Variants in TNRC6B observed in about 807,000 individuals in gnomAD.
TNRC6B encodes the protein trinucleotide repeat-containing gene 6B protein.
A neutral mutation model predicts 203.6 loss-of-function variants in TNRC6B; 52 were observed. The observed-to-expected ratio is 0.26, with a 90% CI of 0.20 to 0.32. The LOEUF is 0.32. Ranked by LOEUF, TNRC6B falls within the 10% of genes least tolerant of loss-of-function variation. TNRC6B has a pLI of 1.00. For synonymous variants in TNRC6B, 838 were observed against 845.7 expected, an observed-to-expected ratio of 0.99 and a Z score of 0.16; for missense variants, 1,923 against 2,286.2, an observed-to-expected ratio of 0.84 and a Z score of 3.24.
At chr22:40,197,526 A>G (rs1465922594) in intron 1 of TNRC6B, among the ~76,000 whole-genome samples, 1 of 151,392 alleles carries the variant, frequency 6.6e-6, no homozygotes, top group African/African-American at 2.4e-5. Flanking sequence ...TGACCTCATG[A>G]TCTACCCCCC....
chr22:40,055,149 G>A (rs1217918678), intron 1 of TNRC6B, among the ~76,000 whole-genome samples: 1 of 152,226 alleles, frequency 6.6e-6, no homozygotes, highest in Non-Finnish European at 1.5e-5. Flanking sequence ...CAGAGGTGGG[G>A]CGAAAGGAGA....
At chr22:40,170,397 T>C (rs1467446948) in intron 4 of TNRC6B, among the ~76,000 whole-genome samples, 1 of 51,330 alleles carries the variant, frequency 1.9e-5, no homozygotes, top group Non-Finnish European at 2.9e-5. Flanking sequence ...AGTTTATATA[T>C]ATATTATATA....
At chr22:40,201,308 G>A (rs899516957) in intron 1 of TNRC6B, among the ~76,000 whole-genome samples, 1 of 152,138 alleles carries the variant, frequency 6.6e-6, no homozygotes, top group African/African-American at 2.4e-5. Flanking sequence ...GAAAGTCTGT[G>A]CCATATAGGG....
intron 1 of TNRC6B, among the ~76,000 whole-genome samples, chr22:40,057,105 GT>G (rs1417007306): frequency 6.6e-6 from 1 of 152,168 alleles, no homozygotes; most frequent in Non-Finnish European, 1.5e-5. Context: ...GGTGTAAACA[GT>G]CGAGATAAAG....
At chr22:40,119,363 C>A (rs984016927) in intron 2 of TNRC6B, among the ~76,000 whole-genome samples, 1 of 152,128 alleles carries the variant, frequency 6.6e-6, no homozygotes, top group Non-Finnish European at 1.5e-5. Context: ...GCGGGCGGAT[C>A]ACTTGAGGTC....
intron 3 of TNRC6B, among the ~76,000 whole-genome samples, chr22:40,137,589 G>A (rs941941266): frequency 1.2e-4 from 19 of 152,280 alleles, no homozygotes; most frequent in African/African-American, 4.6e-4. Flanking sequence ...ATGTCTGTGA[G>A]ACCCTGGAGA....
Position 40,308,661 on chromosome 22 carries a change from A to G in TNRC6B, c.4258+12A>G. The G allele has an allele frequency of 6.2e-7, 1 of 1,605,844 alleles. No homozygotes were observed. ...TATGCACAAAAATGGTAAGAGAAGCACTGAAAGCTAGAGCCCCCAACCCAC... is the reference window on the plus strand; with the variant it reads ...TATGCACAAAAATGGTAAGAGAAGCGCTGAAAGCTAGAGCCCCCAACCCAC... On this transcript the variant is annotated intron_variant, in intron 16 of 22. Transcript: ENST00000454349.
At chr22:40,103,506 T>C (rs745913968) in intron 1 of TNRC6B, among the ~76,000 whole-genome samples, 2 of 152,228 alleles carry the variant, frequency 1.3e-5, no homozygotes, top group Non-Finnish European at 2.9e-5. Flanking sequence ...AGTAGCTTGT[T>C]CATTTTTATT....
chr22:40,137,861 G>A (rs575804151), intron 3 of TNRC6B, among the ~76,000 whole-genome samples: 1 of 151,902 alleles, frequency 6.6e-6, no homozygotes, highest in Non-Finnish European at 1.5e-5. Context: ...GCAGGCGCCT[G>A]TAATCCTAGC....
chr22:40,290,612 C>T (rs1301207578), intron 12 of TNRC6B, among the ~76,000 whole-genome samples: 3 of 152,164 alleles, frequency 2.0e-5, no homozygotes, highest in Non-Finnish European at 4.4e-5. Context: ...GCCACCTTCC[C>T]TAGGAGCTTT....
chr22:40,218,801 C>G (rs1226656485), intron 1 of TNRC6B, among the ~76,000 whole-genome samples: 2 of 152,194 alleles, frequency 1.3e-5, no homozygotes, highest in African/African-American at 4.8e-5. Flanking sequence ...ACAGCGAGTA[C>G]AAGTCTCTTC....
intron 4 of TNRC6B, among the ~76,000 whole-genome samples, chr22:40,159,926 C>T (rs2068856816): frequency 6.6e-6 from 1 of 151,864 alleles, no homozygotes; most frequent in Admixed American, 6.6e-5. Context: ...ATCTTTTTGC[C>T]TCAGCTTCCT....
intron 4 of TNRC6B, among the ~76,000 whole-genome samples, chr22:40,165,147 A>G (rs939103127): frequency 1.1e-4 from 16 of 147,290 alleles, no homozygotes; most frequent in African/African-American, 3.8e-4. Flanking sequence ...AAGCAGTGCA[A>G]TGGTGCAATT....
rs1255745433 is a variant in TNRC6B, at chr22:40,170,377, TTA to T, written c.113+14204_113+14205del. Among the ~76,000 whole-genome samples the T allele has an allele frequency of 4.4e-4, 33 of 75,350 alleles. 2 individuals carry two copies. Among genetic ancestry groups the T allele is most frequent in the Middle Eastern group, 6.0e-3 (1 of 166 alleles). The allele number at this position is 75,350 out of a possible 152,430, so 49.4% of individuals were successfully genotyped here. A position where few individuals can be genotyped will look rare whatever the true frequency, so the allele number is the denominator to read the frequency against. On this transcript the variant is annotated intron_variant, in intron 4 of 23. Coordinates refer to the TNRC6B transcript ENST00000301923. ...ATTATGTATATAGTTTATATATATA[TTA>T]TATATATAGTTTATATATATATTAT...
chr22:40,132,224 T>C (rs1386231271), intron 3 of TNRC6B, among the ~76,000 whole-genome samples: 1 of 152,104 alleles, frequency 6.6e-6, no homozygotes, highest in Non-Finnish European at 1.5e-5. Context: ...AGTGTGCACC[T>C]GTAATCCCAG....
chr22:40,095,771 A>G (rs1404012806), intron 1 of TNRC6B, among the ~76,000 whole-genome samples: 1 of 151,660 alleles, frequency 6.6e-6, no homozygotes, highest in African/African-American at 2.4e-5. Flanking sequence ...CTTCATTAAT[A>G]TAGCCAACAT....
In TNRC6B at chr22:40,332,056, A is replaced by G; in HGVS notation, c.*8815A>G. On this transcript the variant is annotated 3_prime_UTR_variant, in exon 23 of 23. Transcript: ENST00000454349. ...CTCCACAGGCTCCAGTGTTCTCTGG[A>G]AAAAGTACTCATCCTTTCCTGAATT... The G allele has an allele frequency of 6.0e-6, 1 of 167,250 alleles. No individual in the cohort carries two copies. The highest frequency in any genetic ancestry group is 1.6e-4 in the East Asian group (1 of 6,306). 10.4% of individuals were successfully genotyped at this position (167,250 alleles called of 1,614,324 possible). A position where few individuals can be genotyped will look rare whatever the true frequency, so the allele number is the denominator to read the frequency against.
At chr22:40,150,010 GT>G (rs2146346270) in intron 3 of TNRC6B, among the ~76,000 whole-genome samples, 1 of 137,218 alleles carries the variant, frequency 7.3e-6, no homozygotes, top group South Asian at 2.5e-4. Context: ...ATTGAAAATA[GT>G]TTCGGTGGGG....
intron 3 of TNRC6B, among the ~76,000 whole-genome samples, chr22:40,153,416 C>A (rs1380164522): frequency 4.6e-5 from 7 of 152,082 alleles, no homozygotes; most frequent in African/African-American, 7.2e-5. Context: ...GGAGAAACCC[C>A]TGAGGGTGTC....
Sources: gnomAD v4.1 joint callset for allele counts (sites outside exome capture counted in the v4.1 genomes callset) on GRCh38, gnomAD v4.1.1 for gene constraint, MANE v1.5 for transcripts, NCBI Gene and HGNC (gene_info 2026-07-23, HGNC 2026-07-21) for gene names.